NOL10: variants seen among roughly 807,000 people sequenced by gnomAD.
The protein encoded by NOL10 is H_NH0074G24.1.
A neutral mutation model predicts 103.5 loss-of-function variants in NOL10; 58 were observed. That is an observed-to-expected ratio of 0.56 (90% confidence interval 0.45 to 0.70). NOL10 has a LOEUF of 0.70. Ranked by LOEUF, NOL10 falls within the 30% of genes least tolerant of loss-of-function variation. The probability of loss-of-function intolerance (pLI) is 0.00; values close to 1 mark genes in which losing one functional copy is unlikely to be tolerated. For missense variants in NOL10, 763 were observed against 807.3 expected, an observed-to-expected ratio of 0.95 and a Z score of 0.67; for synonymous variants, 287 against 282.5, an observed-to-expected ratio of 1.02 and a Z score of -0.16.
intron 17 of NOL10, among the ~76,000 whole-genome samples, chr2:10,594,828 T>G (rs774055516): frequency 1.3e-5 from 2 of 151,942 alleles, no homozygotes; most frequent in Non-Finnish European, 2.9e-5. Context: ...TCAGCTCTAC[T>G]AAAATATATA....
chr2:10,621,601 A>G (rs894598273), intron 13 of NOL10, among the ~76,000 whole-genome samples: 8 of 152,284 alleles, frequency 5.3e-5, no homozygotes, highest in African/African-American at 1.9e-4. Flanking sequence ...CTCAAAAATA[A>G]TAAAAATAAA....
At chr2:10,621,688 G>A (rs1677157315) in intron 13 of NOL10, among the ~76,000 whole-genome samples, 1 of 152,218 alleles carries the variant, frequency 6.6e-6, no homozygotes, top group Non-Finnish European at 1.5e-5. Flanking sequence ...TTACTTGCTA[G>A]AGGGAAGTAC....
At chr2:10,655,025 CATGGTGAA>C (rs1445995650) in intron 11 of NOL10, among the ~76,000 whole-genome samples, 2 of 151,804 alleles carry the variant, frequency 1.3e-5, no homozygotes, top group Admixed American at 6.6e-5. Context: ...GCCTGACCAA[CATGGTGAA>C]ACTCCGACTC....
At chr2:10,650,818 T>G (rs1679409389) in intron 12 of NOL10, among the ~76,000 whole-genome samples, 3 of 152,144 alleles carry the variant, frequency 2.0e-5, no homozygotes, top group Admixed American at 2.0e-4. Context: ...AGATGCGTAG[T>G]TGAATTATCA....
chr2:10,678,108 G>A (rs1681456764), intron 3 of NOL10, among the ~76,000 whole-genome samples: 1 of 152,044 alleles, frequency 6.6e-6, no homozygotes. Context: ...GAGCACAGTG[G>A]TGCAATCATA....
chr2:10,620,272 T>TTTTTACCCTTA (rs1360027583), intron 13 of NOL10, among the ~76,000 whole-genome samples: 2 of 152,142 alleles, frequency 1.3e-5, no homozygotes, highest in African/African-American at 4.8e-5. Flanking sequence ...TTGAAATCTA[T>TTTTTACCCTTA]GTAAAAACTA....
intron 17 of NOL10, among the ~76,000 whole-genome samples, chr2:10,593,775 G>A (rs949316306): frequency 4.6e-5 from 7 of 151,836 alleles, no homozygotes; most frequent in Non-Finnish European, 1.0e-4. Context: ...GGAGGGGAGG[G>A]CAAGGCTGGC....
At chr2:10,609,359 G>A (rs550598729) in intron 13 of NOL10, among the ~76,000 whole-genome samples, 16 of 151,062 alleles carry the variant, frequency 1.1e-4, no homozygotes, top group East Asian at 3.9e-4. Flanking sequence ...AGGCCGAGGC[G>A]GGAGGATCAC....
intron 6 of NOL10, among the ~76,000 whole-genome samples, chr2:10,670,825 T>C (rs1048712616): frequency 1.3e-5 from 2 of 152,234 alleles, no homozygotes; most frequent in African/African-American, 4.8e-5. Flanking sequence ...AGTTATGACA[T>C]CTGTCCTAAT....
chr2:10,616,573 G>A lies in NOL10; in HGVS notation c.1027-9262C>T, dbSNP rs1369011904. On this transcript the variant is annotated intron_variant, in intron 13 of 20. Transcript: ENST00000381685. ...CATTTTTTTTTGTTTTTTTGAAACA[G>A]GGTCTCACTTTATCACCCAGACTAG... is the stretch of plus-strand genomic sequence containing the variant. 2.0e-5 allele frequency among the ~76,000 whole-genome samples: 3 copies of A among 150,148 alleles called. No homozygotes were observed. In the East Asian group the frequency reaches 6.0e-4, roughly 30 times the overall value.
intron 3 of NOL10, 21 bp downstream of exon 3, chr2:10,681,950 C>A: frequency 1.7e-6 from 2 of 1,179,060 alleles, no homozygotes; most frequent in South Asian, 2.3e-5. Context: ...GCATGAAAAT[C>A]ATAACCAAAA....
At chr2:10,679,343 G>C (rs1681557435) in intron 3 of NOL10, among the ~76,000 whole-genome samples, 1 of 143,772 alleles carries the variant, frequency 7.0e-6, no homozygotes, top group Non-Finnish European at 1.5e-5. Context: ...TGGGCAACAA[G>C]AGTGAAACTC....
intron 10 of NOL10, 112 bp from the exon 11 acceptor site, chr2:10,658,003 A>G (rs1395557370): frequency 1.4e-6 from 1 of 696,334 alleles, no homozygotes; most frequent in Non-Finnish European, 2.3e-6. Context: ...TATGAACACA[A>G]TGAACACCCT....
chr2:10,663,009 G>A lies in NOL10; in HGVS notation c.627C>T (p.Asn209=). The A allele has an allele frequency of 6.2e-7, 1 of 1,613,934 alleles. No individual in the cohort carries two copies. Among genetic ancestry groups the A allele is most frequent in the Non-Finnish European group, 8.5e-7 (1 of 1,179,836 alleles). Residue 209 remains asparagine, a synonymous_variant, in exon 9 of 21, where the codon AAC becomes AAT. Coordinates refer to ENST00000381685, the MANE Select transcript of NOL10 (RefSeq NM_024894.4). ...AGGCGCAGTCTAACAGGCCAACTCT[G>A]TTTCGAGTTCTTGGGTCCCAGCACT... ...RVECWDPRTR[N]RVGLLDCALN...
At position 10,571,868 on chromosome 2, in the gene NOL10, C is replaced by T. The variant is rs1674195991; in HGVS notation, c.*203G>A. ...GGAGCAACGACTCGCAAGCACACCCCTGGGGCTGTGCGGTGGCCGTCGGCG... is the reference window on the plus strand; with the variant it reads ...GGAGCAACGACTCGCAAGCACACCCTTGGGGCTGTGCGGTGGCCGTCGGCG... On this transcript the variant is annotated 3_prime_UTR_variant, in exon 21 of 21. Transcript: ENST00000381685. 3.6e-6 allele frequency: 2 copies of T among 560,138 alleles called. No individual in the cohort carries two copies. The highest frequency in any genetic ancestry group is 5.0e-5 in the South Asian group (2 of 40,346). The allele number at this position is 560,138 out of a possible 1,614,324, so 34.7% of individuals were successfully genotyped here. A position where few individuals can be genotyped will look rare whatever the true frequency, so the allele number is the denominator to read the frequency against.
In NOL10 at chr2:10,580,717, G is replaced by A. The variant is rs529672218; in HGVS notation, c.1845-2979C>T. ...GCACCAGGGAGGCTAATTTACTTTG[G>A]GGTTTTAAAATACGAACACACGCGC... On this transcript the variant is annotated intron_variant, in intron 19 of 20. Transcript: ENST00000381685. Among the ~76,000 whole-genome samples, 5 of 151,782 alleles carry A rather than the reference G, an allele frequency of 3.3e-5. No homozygotes were observed. The South Asian group carries it at 6.2e-4, about 19-fold the overall frequency.
rs1039350979 is a variant in NOL10, at chr2:10,633,766, T to C, written c.1026+10554A>G. ...TTTTAAGCAGAAGAGTAACACAATC[T>C]GATTTATATTTGTTTTGTTTATATG... On this transcript the variant is annotated intron_variant, in intron 13 of 20. Transcript: ENST00000381685. Among the ~76,000 whole-genome samples, 4 of 151,390 alleles carry C rather than the reference T, an allele frequency of 2.6e-5. No homozygotes were observed. In the South Asian group the frequency reaches 6.3e-4, roughly 24 times the overall value.
intron 12 of NOL10, among the ~76,000 whole-genome samples, chr2:10,653,824 GCT>G (rs1465814549): frequency 8.6e-6 from 1 of 116,138 alleles, no homozygotes; most frequent in African/African-American, 3.3e-5. Context: ...CAGGGTAAAA[GCT>G]CTCTCTCTCC....
At chr2:10,611,785 G>A (rs761572024) in intron 13 of NOL10, among the ~76,000 whole-genome samples, 14 of 152,216 alleles carry the variant, frequency 9.2e-5, no homozygotes, top group Non-Finnish European at 2.1e-4. Context: ...GCGTGGTGGC[G>A]CATGCCTGTA....
Sources: allele counts gnomAD v4.1 joint callset (sites outside exome capture counted in the v4.1 genomes callset), GRCh38; gene constraint gnomAD v4.1.1; transcripts MANE v1.5; gene names NCBI Gene and HGNC (gene_info 2026-07-23, HGNC 2026-07-21).